BICD1: variants seen among roughly 807,000 people sequenced by gnomAD.
BICD1 encodes the protein BICD cargo adaptor 1.
Under a neutral mutation model 92.5 loss-of-function variants are expected in BICD1, and 35 were observed. The observed-to-expected ratio is 0.38, with a 90% CI of 0.29 to 0.50. The LOEUF is 0.50. Ranked by LOEUF, BICD1 falls within the 20% of genes least tolerant of loss-of-function variation. The pLI, the probability that BICD1 is intolerant of heterozygous loss-of-function variation, is 0.93. For missense variants in BICD1, 950 were observed against 1,189.8 expected, an observed-to-expected ratio of 0.80 and a Z score of 2.97; for synonymous variants, 429 against 465.1, an observed-to-expected ratio of 0.92 and a Z score of 1.00.
intron 8 of BICD1, among the ~76,000 whole-genome samples, chr12:32,360,269 G>A (rs1939275731): frequency 6.6e-6 from 1 of 152,054 alleles, no homozygotes; most frequent in African/African-American, 2.4e-5. Context: ...CTTGTTGAAG[G>A]AAAGAGACTG....
chr12:32,122,469 A>G (rs929486840), intron 1 of BICD1, among the ~76,000 whole-genome samples: 3 of 141,748 alleles, frequency 2.1e-5, no homozygotes, highest in African/African-American at 8.0e-5. Flanking sequence ...AGCCTGGGCG[A>G]CAGAGCAAGA....
At chr12:32,237,523 G>T (rs990975544) in intron 2 of BICD1, among the ~76,000 whole-genome samples, 2 of 152,188 alleles carry the variant, frequency 1.3e-5, no homozygotes, top group African/African-American at 4.8e-5. Context: ...AGTTTCAAGG[G>T]ACAGGCTTTT....
At chr12:32,284,378 T>C (rs1947504448) in intron 2 of BICD1, among the ~76,000 whole-genome samples, 1 of 152,214 alleles carries the variant, frequency 6.6e-6, no homozygotes. Context: ...ACATTCACTT[T>C]ATTATAAAAT....
intron 5 of BICD1, among the ~76,000 whole-genome samples, chr12:32,331,692 A>G (rs1406085622): frequency 6.6e-6 from 1 of 152,124 alleles, no homozygotes; most frequent in Non-Finnish European, 1.5e-5. Flanking sequence ...TTTGTGGCTC[A>G]TGTCAGCACT....
In BICD1 at chr12:32,300,064, C is replaced by T. The variant is rs529280878; in HGVS notation, c.580-5633C>T. On this transcript the variant is annotated intron_variant, in intron 3 of 9. Transcript: ENST00000652176. ...GTGTGTTCCAATAGAACTGTCTACA[C>T]GAAAATAGGTGGTGGGCTGGATTTG... Among the ~76,000 whole-genome samples the T allele has an allele frequency of 7.3e-5, 11 of 151,710 alleles. No homozygotes were observed. The East Asian group carries it at 1.5e-3, about 21-fold the overall frequency.
intron 4 of BICD1, among the ~76,000 whole-genome samples, chr12:32,309,283 A>G (rs1394181036): frequency 1.3e-5 from 2 of 152,172 alleles, no homozygotes; most frequent in Admixed American, 6.5e-5. Context: ...TGAAGCATAT[A>G]TGTGTCAGTA....
intron 4 of BICD1, among the ~76,000 whole-genome samples, chr12:32,310,750 A>G (rs1460324031): frequency 1.3e-5 from 2 of 152,232 alleles, no homozygotes; most frequent in African/African-American, 4.8e-5. Context: ...CATGATAAGT[A>G]TGTCAGGTCA....
rs543724285 is a variant in BICD1 at position 32,309,102 on chromosome 12, G to A, written c.1005+2980G>A. Among the ~76,000 whole-genome samples the A allele has an allele frequency of 2.7e-3, 407 of 151,958 alleles. 2 individuals are homozygous for A. The highest frequency in any genetic ancestry group is 6.8e-3 in the Middle Eastern group (2 of 294). On this transcript the variant is annotated intron_variant, in intron 4 of 9. Coordinates refer to ENST00000652176, the MANE Select transcript of BICD1 (RefSeq NM_001714.4). ...ATACCTTCTCATGAACTATTTTTTT[G>A]CAATACAGTTTTTTCCTTAGCCACA...
At position 32,218,176 on chromosome 12, in the gene BICD1, C is replaced by A. The variant is rs1182661029; in HGVS notation, c.426+1717C>A. ...AATGGAGCATCCTCACTTACACAGC[C>A]ACGCTTGAAGGCAGTTCCAATGAGT... On this transcript the variant is annotated intron_variant, in intron 2 of 9. Transcript: ENST00000652176. 2.0e-5 allele frequency among the ~76,000 whole-genome samples: 3 copies of A among 152,170 alleles called. No homozygotes were observed. In the South Asian group the frequency reaches 6.2e-4, roughly 32 times the overall value.
chr12:32,309,239 A>G (rs1166809143), intron 4 of BICD1, among the ~76,000 whole-genome samples: 1 of 152,214 alleles, frequency 6.6e-6, no homozygotes, highest in East Asian at 1.9e-4. Flanking sequence ...TAAAAATAAT[A>G]TGGCAAGTCT....
intron 2 of BICD1, among the ~76,000 whole-genome samples, chr12:32,272,648 AC>A (rs1390395060): frequency 1.3e-5 from 2 of 152,206 alleles, no homozygotes; most frequent in African/African-American, 2.4e-5. Flanking sequence ...ACATGGTGAA[AC>A]CCTGTCTCTA....
chr12:32,185,701 A>G (rs369852199), intron 1 of BICD1, among the ~76,000 whole-genome samples: 5 of 152,194 alleles, frequency 3.3e-5, no homozygotes, highest in African/African-American at 1.2e-4. Context: ...CCTGGCATCA[A>G]TGACGCAGGG....
chr12:32,158,833 C>G (rs990685144), intron 1 of BICD1, among the ~76,000 whole-genome samples: 1 of 152,198 alleles, frequency 6.6e-6, no homozygotes, highest in African/African-American at 2.4e-5. Context: ...TTCCTAGGGC[C>G]TTGCACAGCA....
At chr12:32,307,015 CA>C (rs1309311410) in intron 4 of BICD1, among the ~76,000 whole-genome samples, 9 of 136,536 alleles carry the variant, frequency 6.6e-5, no homozygotes, top group Non-Finnish European at 8.0e-5. Flanking sequence ...AACGTCATCT[CA>C]AAAAAAAAAG....
intron 8 of BICD1, among the ~76,000 whole-genome samples, chr12:32,359,852 TATATC>T (rs915952845): frequency 1.3e-5 from 2 of 152,164 alleles, no homozygotes; most frequent in Non-Finnish European, 2.9e-5. Flanking sequence ...GTGTGTTCCT[TATATC>T]ATCAACTTCC....
At chr12:32,254,758 C>T (rs373416108) in intron 2 of BICD1, among the ~76,000 whole-genome samples, 1 of 152,200 alleles carries the variant, frequency 6.6e-6, no homozygotes, top group African/African-American at 2.4e-5. Context: ...TCTAGTTTCC[C>T]TCTGGTGCAA....
chr12:32,334,942 A>G (rs1391259413), intron 6 of BICD1, among the ~76,000 whole-genome samples: 1 of 152,168 alleles, frequency 6.6e-6, no homozygotes, highest in Non-Finnish European at 1.5e-5. Flanking sequence ...TCTAGAATTT[A>G]TGCACCCCAA....
At chr12:32,269,661 G>T (rs1565631265) in intron 2 of BICD1, among the ~76,000 whole-genome samples, 1 of 152,194 alleles carries the variant, frequency 6.6e-6, no homozygotes, top group Non-Finnish European at 1.5e-5. Flanking sequence ...GTTATAACTT[G>T]CTTTCTGATG....
chr12:32,243,924 G>T (rs1230639243), intron 2 of BICD1, among the ~76,000 whole-genome samples: 1 of 152,030 alleles, frequency 6.6e-6, no homozygotes, highest in African/African-American at 2.4e-5. Context: ...CCCCTAAATG[G>T]CTAAATGTCC....
Sources: allele counts gnomAD v4.1 joint callset (sites outside exome capture counted in the v4.1 genomes callset), GRCh38; gene constraint gnomAD v4.1.1; transcripts MANE v1.5; gene names NCBI Gene and HGNC (gene_info 2026-07-23, HGNC 2026-07-21).